Variants in EP400 observed in about 807,000 individuals in gnomAD.
EP400 encodes the protein E1A binding protein p400.
Under a neutral mutation model 354.1 loss-of-function variants are expected in EP400, and 105 were observed. The observed-to-expected ratio is 0.30, with a 90% CI of 0.25 to 0.35. The LOEUF (loss-of-function observed/expected upper bound fraction) is 0.35. Among genes scored for constraint, EP400 ranks in the 10% least tolerant of loss-of-function variants. The probability of loss-of-function intolerance (pLI) is 1.00; values close to 1 mark genes in which losing one functional copy is unlikely to be tolerated. For missense variants in EP400, 3,280 were observed against 4,121.0 expected (o/e 0.80, Z 5.59); for synonymous variants, 1,646 against 1,716.9 (o/e 0.96, Z 1.02).
chr12:131,966,655 G>A (rs1029479339), intron 2 of EP400, among the ~76,000 whole-genome samples: 3 of 149,772 alleles, frequency 2.0e-5, no homozygotes, highest in South Asian at 2.1e-4. Context: ...TGTAATCCCA[G>A]CACTTTCGGA....
chr12:132,044,681 A>G lies in EP400; in HGVS notation c.6596A>G (p.Tyr2199Cys), dbSNP rs1345376111. ...REDAYSMEYVYEDVDGQTEVM... is the reference protein window; with the variant it reads ...REDAYSMEYVCEDVDGQTEVM... The stretch of plus-strand genomic sequence containing the variant: ...CCGTGTTCCCTACAGGAGTATGTCT[A>G]CGAAGATGTCGATGGGCAGACAGAA... Residue 2199 changes from tyrosine to cysteine, a missense_variant, in exon 36 of 53, where the codon TAC (tyrosine) becomes TGC (cysteine). Physicochemically the swap from Tyr to Cys is radical, Grantham distance 194. This residue lies in a region of EP400 where 231 missense variants were observed against 257.9 expected (regional missense o/e 0.90). Transcript: ENST00000389561. The G allele has an allele frequency of 1.9e-6, 3 of 1,614,074 alleles. No individual in the cohort carries two copies. Among genetic ancestry groups the G allele is most frequent in the African/African-American group, 1.3e-5 (1 of 74,932 alleles).
intron 2 of EP400, among the ~76,000 whole-genome samples, chr12:131,965,645 T>C (rs117690142): frequency 0.019 from 2,868 of 152,294 alleles, 34 homozygotes; most frequent in Non-Finnish European, 0.031. Context: ...CCTTCACGCC[T>C]CCCTTGACCT....
intron 12 of EP400, among the ~76,000 whole-genome samples, chr12:132,003,542 C>T (rs375289784): frequency 3.3e-5 from 5 of 152,184 alleles, no homozygotes; most frequent in South Asian, 4.1e-4. Flanking sequence ...TAACTCATTT[C>T]CATATGTGGA....
At chr12:132,008,057 T>C (rs1206663242) in intron 15 of EP400, among the ~76,000 whole-genome samples, 1 of 152,132 alleles carries the variant, frequency 6.6e-6, no homozygotes. Context: ...CAAGCGATTC[T>C]CCAGCCTCAG....
intron 51 of EP400, 181 bp from the exon 52 acceptor site, chr12:132,076,335 C>T (rs577399170): frequency 1.4e-6 from 1 of 699,626 alleles, no homozygotes; most frequent in South Asian, 1.5e-5. Flanking sequence ...AGTTGACTCA[C>T]CATGCAGTGG....
chr12:132,055,780 C>T (rs754824946), intron 45 of EP400, among the ~76,000 whole-genome samples: 1 of 150,958 alleles, frequency 6.6e-6, no homozygotes, highest in Non-Finnish European at 1.5e-5. Context: ...GTGAACTGTC[C>T]CCTCCCTGTA....
intron 2 of EP400, among the ~76,000 whole-genome samples, chr12:131,976,201 ATCCTT>A (rs1892467367): frequency 6.6e-6 from 1 of 152,152 alleles, no homozygotes. Flanking sequence ...TCACTTTAAT[ATCCTT>A]GCCTGCTTAT....
Position 132,050,196 on chromosome 12 carries a change from GA to G in EP400, c.7201-123del. On this transcript the variant is annotated intron_variant, in intron 39 of 52. Coordinates refer to ENST00000389561, the MANE Select transcript of EP400 (RefSeq NM_015409.5). The surrounding 1 kb of genome is among the most constrained non-coding windows in gnomAD (Gnocchi z 4.8). Reference sequence around the variant, plus strand: ...GCCTGAACTTGGAAAGAAGGCCCAGGAAAAGGAAGTTTGTGTTCAGCCATGG... The same window carrying G: ...GCCTGAACTTGGAAAGAAGGCCCAGGAAAGGAAGTTTGTGTTCAGCCATGG... 15 of 1,214,584 alleles carry G rather than the reference GA, an allele frequency of 1.2e-5. No individual in the cohort carries two copies. The highest frequency in any genetic ancestry group is 1.1e-5 in the Non-Finnish European group (10 of 871,560). 75.2% of individuals were successfully genotyped at this position (1,214,584 alleles called of 1,614,324 possible).
At chr12:131,978,889 C>G (rs915215170) in intron 2 of EP400, among the ~76,000 whole-genome samples, 1 of 152,094 alleles carries the variant, frequency 6.6e-6, no homozygotes, top group Non-Finnish European at 1.5e-5. Context: ...ATTTATATCT[C>G]ATGTAGGGTG....
chr12:132,030,166 G>C lies in EP400; in HGVS notation c.5754+8G>C. The C allele has an allele frequency of 1.2e-6, 2 of 1,614,050 alleles. No homozygotes were observed. Among genetic ancestry groups the C allele is most frequent in the Non-Finnish European group, 1.7e-6 (2 of 1,179,926 alleles). On this transcript the variant is annotated splice_region_variant and intron_variant, in intron 29 of 52. Transcript: ENST00000389561. ...AGCAGTGAGCAACGGCAGGTGAGAA[G>C]CACATTGTTTACATTGTCTCTGATG...
At chr12:131,955,989 A>G (rs1371151049) in intron 1 of EP400, among the ~76,000 whole-genome samples, 5 of 152,154 alleles carry the variant, frequency 3.3e-5, no homozygotes, top group Admixed American at 6.6e-5. Context: ...TGTAACCATT[A>G]TCACAAATCA....
chr12:132,029,543 C>A lies in EP400; in HGVS notation c.5382-158C>A. 1.3e-6 allele frequency: 1 copy of A among 758,786 alleles called. No individual in the cohort carries two copies. The highest frequency in any genetic ancestry group is 2.1e-6 in the Non-Finnish European group (1 of 470,772). 47.0% of individuals were successfully genotyped at this position (758,786 alleles called of 1,614,324 possible). A position where few individuals can be genotyped will look rare whatever the true frequency, so the allele number is the denominator to read the frequency against. ...TAGGATCTGCCTCGTTGGGCCCCTG[C>A]CCGTGTGCCAACACCCACATCCCCA... is the stretch of plus-strand genomic sequence containing the variant. On this transcript the variant is annotated intron_variant, in intron 27 of 52. Transcript: ENST00000389561. This position sits in a 1 kb window ranked among gnomAD's most constrained non-coding sequence, Gnocchi z 4.7.
At chr12:132,001,940 T>C (rs969046241) in intron 12 of EP400, among the ~76,000 whole-genome samples, 1 of 152,214 alleles carries the variant, frequency 6.6e-6, no homozygotes, top group African/African-American at 2.4e-5. Flanking sequence ...AGTATAACTC[T>C]TGTTGTTTTA....
Position 132,076,534 on chromosome 12 carries a change from G to A in EP400, c.9040G>A (p.Val3014Ile), listed in dbSNP as rs1400231079. 6 of 1,614,176 alleles carry A rather than the reference G, an allele frequency of 3.7e-6. No homozygotes were observed. Among genetic ancestry groups the A allele is most frequent in the South Asian group, 1.1e-5 (1 of 91,076 alleles). ...TQIQVAKLPQ[V>I]VQQQTPVASI... ...GTCAAAGGTTGCAAAACTTCCTCAAGTTGTTCAACAGCAAACACCCGTGGC... is the reference window on the plus strand; with the variant it reads ...GTCAAAGGTTGCAAAACTTCCTCAAATTGTTCAACAGCAAACACCCGTGGC... The change falls in exon 52 of 53, where the codon GTT becomes ATT. Residue 3014 changes from valine to isoleucine, a missense_variant. Physicochemically the swap from Val to Ile is conservative, Grantham distance 29. Around this residue, in one of 20 missense-constraint regions of EP400, gnomAD observed 279 missense variants for 386.7 expected, o/e 0.72. Transcript: ENST00000389561.
At chr12:132,003,183 A>G (rs1893474418) in intron 12 of EP400, among the ~76,000 whole-genome samples, 1 of 150,916 alleles carries the variant, frequency 6.6e-6, no homozygotes, top group African/African-American at 2.4e-5. Context: ...CCATCTCTAA[A>G]AGAAATATTA....
At chr12:131,958,474 T>C (rs1016520981) in intron 1 of EP400, among the ~76,000 whole-genome samples, 208 of 152,384 alleles carry the variant, frequency 1.4e-3, no homozygotes, top group African/African-American at 4.9e-3. Flanking sequence ...TGCTTGTGCA[T>C]TTATAAATTC....
chr12:131,991,512 G>C, intron 10 of EP400, 56 bp downstream of exon 10: 2 of 1,498,542 alleles, frequency 1.3e-6, no homozygotes, highest in Non-Finnish European at 1.9e-6. Flanking sequence ...AGCTCCAGTA[G>C]AGTGGGCCTT....
intron 30 of EP400, 70 bp from the exon 31 acceptor site, chr12:132,037,612 A>G: frequency 8.1e-7 from 1 of 1,228,534 alleles, no homozygotes. Context: ...CACCATCTGC[A>G]TGCTGTGCCC....
In EP400 at chr12:132,078,899, A is replaced by G. The variant is rs1269076584; in HGVS notation, c.*1226A>G. The G allele has an allele frequency of 6.6e-6, 1 of 152,190 alleles. No individual in the cohort carries two copies. Among genetic ancestry groups the G allele is most frequent in the Non-Finnish European group, 1.5e-5 (1 of 68,028 alleles). 9.4% of individuals were successfully genotyped at this position (152,190 alleles called of 1,614,324 possible). On this transcript the variant is annotated 3_prime_UTR_variant, in exon 53 of 53. Coordinates refer to ENST00000389561, the MANE Select transcript of EP400 (RefSeq NM_015409.5). ...TTACTATGACAGGAAAATAAATGCA[A>G]TTTTAGTGGAATTGATTGACAGTGT...
Sources: allele counts gnomAD v4.1 joint callset (sites outside exome capture counted in the v4.1 genomes callset), GRCh38; gene constraint gnomAD v4.1.1; regional missense constraint gnomAD v4.1.1; non-coding constraint Gnocchi (gnomAD v3.1); transcripts MANE v1.5; gene names NCBI Gene and HGNC (gene_info 2026-07-23, HGNC 2026-07-21).